MAPKAP1: variants seen among roughly 807,000 people sequenced by gnomAD.
The protein encoded by MAPKAP1 is MAPK associated protein 1.
A neutral mutation model predicts 65.7 loss-of-function variants in MAPKAP1; 20 were observed. That is an observed-to-expected ratio of 0.30 (90% CI 0.21 to 0.44). The LOEUF is 0.44. Among genes scored for constraint, MAPKAP1 ranks in the 20% least tolerant of loss-of-function variants. The pLI is 1.00. For synonymous variants in MAPKAP1, 222 were observed against 244.3 expected (o/e 0.91, Z 0.85); for missense variants, 423 against 648.0 (o/e 0.65, Z 3.77).
chr9:125,647,736 G>A (rs1348380529), intron 4 of MAPKAP1, among the ~76,000 whole-genome samples: 1 of 152,182 alleles, frequency 6.6e-6, no homozygotes, highest in African/African-American at 2.4e-5. Flanking sequence ...TCAGTGCACG[G>A]TGCAGAGCTG....
intron 10 of MAPKAP1, among the ~76,000 whole-genome samples, chr9:125,452,250 C>T (rs1852984053): frequency 6.6e-6 from 1 of 152,164 alleles, no homozygotes; most frequent in Non-Finnish European, 1.5e-5. Flanking sequence ...AGGCGTGCGC[C>T]ACCACGCCGA....
At chr9:125,663,758 T>C (rs1834256886) in intron 3 of MAPKAP1, among the ~76,000 whole-genome samples, 1 of 152,146 alleles carries the variant, frequency 6.6e-6, no homozygotes. Context: ...ATGAGAGCCC[T>C]TCCTTCTGGT....
At chr9:125,600,638 T>C (rs1487076795) in intron 4 of MAPKAP1, among the ~76,000 whole-genome samples, 4 of 152,192 alleles carry the variant, frequency 2.6e-5, no homozygotes, top group Non-Finnish European at 5.9e-5. Flanking sequence ...AAACATGAAA[T>C]TGAGAAGTAG....
At chr9:125,592,964 T>C (rs1589320816) in intron 4 of MAPKAP1, among the ~76,000 whole-genome samples, 1 of 141,352 alleles carries the variant, frequency 7.1e-6, no homozygotes, top group Middle Eastern at 3.7e-3. Flanking sequence ...AAAAAGTAAG[T>C]TGAAATATAA....
chr9:125,549,035 C>T (rs1181687381), intron 6 of MAPKAP1, among the ~76,000 whole-genome samples: 1 of 152,166 alleles, frequency 6.6e-6, no homozygotes, highest in African/African-American at 2.4e-5. Flanking sequence ...CTTAGGGACT[C>T]GGGGAAAGAA....
intron 5 of MAPKAP1, among the ~76,000 whole-genome samples, chr9:125,574,361 T>C (rs1174913049): frequency 6.6e-6 from 1 of 152,228 alleles, no homozygotes; most frequent in Non-Finnish European, 1.5e-5. Context: ...GTTAAAAAGC[T>C]GCCAGTAAAA....
intron 1 of MAPKAP1, among the ~76,000 whole-genome samples, chr9:125,697,004 G>A (rs1209420586): frequency 6.6e-6 from 1 of 152,166 alleles, no homozygotes; most frequent in Admixed American, 6.6e-5. Context: ...AGTAAAGACG[G>A]AGCTGTCACA....
At chr9:125,647,807 C>T (rs544471107) in intron 4 of MAPKAP1, among the ~76,000 whole-genome samples, 55 of 152,116 alleles carry the variant, frequency 3.6e-4, no homozygotes, top group African/African-American at 1.0e-3. Flanking sequence ...ATGATGTATT[C>T]GATGGATAGA....
chr9:125,620,726 C>T (rs1430296177), intron 4 of MAPKAP1, among the ~76,000 whole-genome samples: 1 of 152,042 alleles, frequency 6.6e-6, no homozygotes, highest in Non-Finnish European at 1.5e-5. Flanking sequence ...TTTCCAATCA[C>T]ATTGTTACAT....
chr9:125,600,941 A>G (rs1019236775), intron 4 of MAPKAP1, among the ~76,000 whole-genome samples: 20 of 152,256 alleles, frequency 1.3e-4, no homozygotes, highest in Non-Finnish European at 2.2e-4. Flanking sequence ...ATCACAGAGC[A>G]TAAGTTTAGG....
chr9:125,674,153 T>G (rs974289467), intron 1 of MAPKAP1, among the ~76,000 whole-genome samples: 31 of 151,956 alleles, frequency 2.0e-4, no homozygotes, highest in African/African-American at 7.0e-4. Flanking sequence ...CTTTACCTTT[T>G]TGAGCCTCCC....
chr9:125,440,418 G>A (rs1852436805), intron 11 of MAPKAP1, among the ~76,000 whole-genome samples: 1 of 152,236 alleles, frequency 6.6e-6, no homozygotes, highest in Admixed American at 6.5e-5. Flanking sequence ...TTGGTGAACA[G>A]ACGCTATTTC....
At chr9:125,604,515 A>G (rs1832391001) in intron 4 of MAPKAP1, among the ~76,000 whole-genome samples, 1 of 152,242 alleles carries the variant, frequency 6.6e-6, no homozygotes, top group Non-Finnish European at 1.5e-5. Context: ...GAGAAACACA[A>G]TCCTAAGAGC....
chr9:125,697,165 T>G (rs888700769), intron 1 of MAPKAP1, among the ~76,000 whole-genome samples: 2 of 152,224 alleles, frequency 1.3e-5, no homozygotes, highest in Admixed American at 1.3e-4. Flanking sequence ...AGTAACATCA[T>G]TTATGTCAGG....
chr9:125,674,305 C>A (rs913437433), intron 1 of MAPKAP1, among the ~76,000 whole-genome samples: 11 of 152,058 alleles, frequency 7.2e-5, no homozygotes, highest in Admixed American at 6.6e-4. Context: ...ATGATCAATT[C>A]TTGCTTAAAG....
At chr9:125,651,362 T>G (rs995695616) in intron 4 of MAPKAP1, among the ~76,000 whole-genome samples, 1 of 152,034 alleles carries the variant, frequency 6.6e-6, no homozygotes, top group Non-Finnish European at 1.5e-5. Flanking sequence ...CCCAGCACTT[T>G]GGGAGGCCGA....
chr9:125,451,283 G>C (rs1852939242), intron 10 of MAPKAP1, among the ~76,000 whole-genome samples: 1 of 152,166 alleles, frequency 6.6e-6, no homozygotes, highest in Non-Finnish European at 1.5e-5. Context: ...CTTCCCTGGA[G>C]GCACGGTCAC....
intron 5 of MAPKAP1, among the ~76,000 whole-genome samples, chr9:125,579,795 C>T (rs1398878424): frequency 1.3e-5 from 2 of 152,178 alleles, no homozygotes; most frequent in Non-Finnish European, 2.9e-5. Flanking sequence ...CACTGCCCGA[C>T]AGGAGGAGAT....
chr9:125,502,833 T>C (rs1032508850), intron 8 of MAPKAP1, among the ~76,000 whole-genome samples: 2 of 152,254 alleles, frequency 1.3e-5, no homozygotes, highest in South Asian at 2.1e-4. Context: ...TTCTCTATTA[T>C]ACATTTTTAA....
Sources: allele counts gnomAD v4.1 joint callset (sites outside exome capture counted in the v4.1 genomes callset), GRCh38; gene constraint gnomAD v4.1.1; transcripts MANE v1.5; gene names NCBI Gene and HGNC (gene_info 2026-07-23, HGNC 2026-07-21).